KIF15: variants seen among roughly 807,000 people sequenced by gnomAD.
The protein encoded by KIF15 is kinesin-like protein KIF15.
KIF15 carries 140 observed loss-of-function variants against 190.6 expected under a neutral mutation model. That is an observed-to-expected ratio of 0.73 (90% CI 0.64 to 0.84). KIF15 has a LOEUF of 0.84. Among genes scored for constraint, KIF15 ranks in the 40% least tolerant of loss-of-function variants. The pLI is 0.00. For synonymous variants in KIF15, 528 were observed against 551.3 expected (o/e 0.96, Z 0.59); for missense variants, 1,372 against 1,584.4 (o/e 0.87, Z 2.28).
chr3:44,799,916 C>G (rs114568706), intron 10 of KIF15, among the ~76,000 whole-genome samples: 1 of 152,178 alleles, frequency 6.6e-6, no homozygotes, highest in East Asian at 1.9e-4. Flanking sequence ...GCTCCTTCCC[C>G]GTAGGGAGCT....
chr3:44,827,397 C>T, intron 22 of KIF15, 62 bp from the exon 23 acceptor site: 1 of 1,170,492 alleles, frequency 8.5e-7, no homozygotes, highest in Non-Finnish European at 1.3e-6. Flanking sequence ...TCTGTACTAA[C>T]AGATTCAGTT....
rs924696317 is a variant in KIF15, at chr3:44,814,061, T to C, written c.2384-850T>C. 5.3e-5 allele frequency among the ~76,000 whole-genome samples: 8 copies of C among 152,240 alleles called. 1 individual carries two copies. Among genetic ancestry groups the C allele is most frequent in the African/African-American group, 1.9e-4 (8 of 41,468 alleles). The stretch of plus-strand genomic sequence containing the variant: ...TTGATTCCCAATTTTTTCACTTTAT[T>C]TTTCCCTTCATTAAAGTATTTGCAG... On this transcript the variant is annotated intron_variant, in intron 19 of 34. Transcript: ENST00000326047.
chr3:44,801,095 C>T (rs145807258), intron 11 of KIF15, among the ~76,000 whole-genome samples: 26 of 151,426 alleles, frequency 1.7e-4, no homozygotes, highest in Non-Finnish European at 3.4e-4. Flanking sequence ...GCAACCTCTA[C>T]CTCCTGGGTT....
In KIF15 at chr3:44,826,063, G is replaced by C; in HGVS notation, c.2574G>C (p.Glu858Asp). The C allele has an allele frequency of 6.3e-7, 1 of 1,585,160 alleles. No individual in the cohort carries two copies. Among genetic ancestry groups the C allele is most frequent in the Non-Finnish European group, 8.5e-7 (1 of 1,173,094 alleles). The change falls in exon 21 of 35, where the codon GAG becomes GAC. Residue 858 changes from glutamate to aspartate, a missense_variant. Coordinates refer to ENST00000326047, the MANE Select transcript of KIF15 (RefSeq NM_020242.3). ...NLRLENEKLLESKACLQDSYD... is the reference protein window; with the variant it reads ...NLRLENEKLLDSKACLQDSYD... Reference sequence around the variant, plus strand: ...GGTTAGAAAACGAAAAGCTGCTTGAGAGCAAAGCCTGCCTACAGGATTCCT... The same window carrying C: ...GGTTAGAAAACGAAAAGCTGCTTGACAGCAAAGCCTGCCTACAGGATTCCT...
At chr3:44,823,795 C>T (rs193258352) in intron 20 of KIF15, among the ~76,000 whole-genome samples, 220 of 152,252 alleles carry the variant, frequency 1.4e-3, no homozygotes, top group African/African-American at 5.0e-3. Context: ...GAGTGAGGCT[C>T]CGTGGGCGTG....
chr3:44,795,149 G>A (rs936133548), intron 8 of KIF15, among the ~76,000 whole-genome samples: 1 of 152,178 alleles, frequency 6.6e-6, no homozygotes, highest in African/African-American at 2.4e-5. Flanking sequence ...CATACCAGAG[G>A]GGATAAGGGT....
At chr3:44,785,005 A>T in intron 6 of KIF15, 63 bp downstream of exon 6, 1 of 794,220 alleles carries the variant, frequency 1.3e-6, no homozygotes, top group East Asian at 2.6e-5. Context: ...GTAGCTACTG[A>T]TAATTAGCTC....
At chr3:44,837,417 A>G (rs1698374558) in intron 26 of KIF15, among the ~76,000 whole-genome samples, 1 of 152,222 alleles carries the variant, frequency 6.6e-6, no homozygotes, top group African/African-American at 2.4e-5. Context: ...CAAATCAACC[A>G]AAATATTTAG....
chr3:44,835,014 T>C (rs568628902), intron 26 of KIF15, among the ~76,000 whole-genome samples: 78 of 150,014 alleles, frequency 5.2e-4, no homozygotes, highest in African/African-American at 1.6e-3. Flanking sequence ...TAATATTAAA[T>C]AAACAGTTTA....
At chr3:44,788,753 C>G (rs1040310559) in intron 7 of KIF15, among the ~76,000 whole-genome samples, 3 of 152,150 alleles carry the variant, frequency 2.0e-5, no homozygotes, top group African/African-American at 7.2e-5. Flanking sequence ...GCCCTATTCT[C>G]TTTGTCTTGT....
rs143013804 is a variant in KIF15 at position 44,843,302 on chromosome 3, G to A, written c.3695+68G>A. On this transcript the variant is annotated intron_variant, in intron 30 of 34. Transcript: ENST00000326047. ...TGCCTGTGTGGAGTTAAATGAGGTT[G>A]GAATTGGTTTCACAGGTTTCCCAAG... 13,291 of 1,047,786 alleles carry A rather than the reference G, an allele frequency of 0.013. 107 individuals are homozygous for A. Among genetic ancestry groups the A allele is most frequent in the Middle Eastern group, 0.022 (106 of 4,844 alleles). 64.9% of individuals were successfully genotyped at this position (1,047,786 alleles called of 1,614,324 possible).
intron 6 of KIF15, among the ~76,000 whole-genome samples, chr3:44,868,644 A>G (rs145127141): frequency 6.6e-6 from 1 of 152,318 alleles, no homozygotes. Flanking sequence ...TGGACTTCCC[A>G]GCCTGCAGAA....
rs1705156235 is a variant in KIF15, at chr3:44,761,857, G to C, written c.-9G>C. ...TGCATTGTTTTCGGGATCGAGGGGT[G>C]AGGGCGCTATGGCACCCGGCTGCAA... is the stretch of plus-strand genomic sequence containing the variant. On this transcript the variant is annotated 5_prime_UTR_variant, in exon 1 of 35. Transcript: ENST00000326047. The C allele has an allele frequency of 6.2e-7, 1 of 1,614,074 alleles. No homozygotes were observed. The highest frequency in any genetic ancestry group is 1.7e-5 in the Admixed American group (1 of 60,012).
At chr3:44,814,832 A>C (rs1026032612) in intron 19 of KIF15, 79 bp from the exon 20 acceptor site, 3 of 1,102,538 alleles carry the variant, frequency 2.7e-6, no homozygotes, top group African/African-American at 1.6e-5. Context: ...TGATTTTGCT[A>C]ATTGTGGGAC....
At chr3:44,784,643 C>T (rs1229992299) in intron 5 of KIF15, among the ~76,000 whole-genome samples, 3 of 152,152 alleles carry the variant, frequency 2.0e-5, no homozygotes, top group Non-Finnish European at 4.4e-5. Context: ...CAATAAAGGA[C>T]AATTATTTGA....
chr3:44,785,040 G>A (rs1706343690), intron 6 of KIF15, 98 bp downstream of exon 6: 2 of 638,598 alleles, frequency 3.1e-6, no homozygotes, highest in Non-Finnish European at 5.5e-6. Context: ...AGCATGGATG[G>A]TACTCTACAA....
In KIF15 at chr3:44,843,145, A is replaced by T; in HGVS notation, c.3606A>T (p.Glu1202Asp). The change falls in exon 30 of 35, where the codon GAA (glutamate) becomes GAT (aspartate). Residue 1202 changes from glutamate (E) to aspartate (D), a missense_variant. By Grantham distance (45) the Glu-to-Asp change is conservative. Coordinates refer to ENST00000326047, the MANE Select transcript of KIF15 (RefSeq NM_020242.3). ...ATTAGGAGCAGTTGCGTGAAATGGAAAACCTACGCCTGGAAAGTCAGCAGT... is the reference window on the plus strand; with the variant it reads ...ATTAGGAGCAGTTGCGTGAAATGGATAACCTACGCCTGGAAAGTCAGCAGT... The part of the protein sequence containing the change: ...LRMKEQLREM[E>D]NLRLESQQLI... 6.2e-7 allele frequency: 1 copy of T among 1,612,874 alleles called. No homozygotes were observed. The highest frequency in any genetic ancestry group is 8.5e-7 in the Non-Finnish European group (1 of 1,179,334).
downstream of KIF15, among the ~76,000 whole-genome samples, chr3:44,855,428 A>G (rs556195826): frequency 8.5e-5 from 13 of 152,326 alleles, no homozygotes; most frequent in African/African-American, 2.6e-4. Flanking sequence ...ATCTGGATAT[A>G]TATGTGCAGG....
chr3:44,764,126 G>C (rs1187579820), intron 1 of KIF15, among the ~76,000 whole-genome samples: 2 of 152,146 alleles, frequency 1.3e-5, no homozygotes, highest in Non-Finnish European at 2.9e-5. Context: ...TTGAGGTATA[G>C]CTTCATGCAG....
Sources: gnomAD v4.1 joint callset for allele counts (sites outside exome capture counted in the v4.1 genomes callset) on GRCh38, gnomAD v4.1.1 for gene constraint, MANE v1.5 for transcripts, NCBI Gene and HGNC (gene_info 2026-07-23, HGNC 2026-07-21) for gene names.